Variants in NCOA2 observed in about 807,000 individuals in gnomAD.
NCOA2 encodes the protein class E basic helix-loop-helix protein 75.
In NCOA2, 21 loss-of-function variants were observed where a neutral mutation model predicts 145.1. The observed-to-expected ratio is 0.14, with a 90% confidence interval of 0.10 to 0.21. The LOEUF (loss-of-function observed/expected upper bound fraction) is 0.21, where lower values mean the gene tolerates loss of function less well. Ranked by LOEUF, NCOA2 falls within the 10% of genes least tolerant of loss-of-function variation. NCOA2 has a pLI of 1.00. For missense variants in NCOA2, 1,472 were observed against 1,837.6 expected, an observed-to-expected ratio of 0.80 and a Z score of 3.64; for synonymous variants, 619 against 637.5, an observed-to-expected ratio of 0.97 and a Z score of 0.44.
intron 1 of NCOA2, among the ~76,000 whole-genome samples, chr8:70,326,449 ACG>A (rs1806574051): frequency 2.1e-5 from 3 of 144,710 alleles, no homozygotes; most frequent in South Asian, 2.5e-4. Flanking sequence ...ACACACACAC[ACG>A]TGCACACACA....
intron 1 of NCOA2, among the ~76,000 whole-genome samples, chr8:70,299,600 G>C (rs1827340022): frequency 6.6e-6 from 1 of 152,242 alleles, no homozygotes; most frequent in South Asian, 2.1e-4. Context: ...TTAGTTATTA[G>C]GAAAATGGAA....
intron 1 of NCOA2, among the ~76,000 whole-genome samples, chr8:70,385,235 A>G (rs1812555093): frequency 6.6e-6 from 1 of 152,190 alleles, no homozygotes; most frequent in African/African-American, 2.4e-5. Context: ...AGATTTATTG[A>G]ACACCAACTG....
chr8:70,113,503 G>A lies in NCOA2; in HGVS notation c.*129C>T. 2 of 1,068,014 alleles carry A rather than the reference G, an allele frequency of 1.9e-6. No individual in the cohort carries two copies. The highest frequency in any genetic ancestry group is 2.8e-6 in the Non-Finnish European group (2 of 716,958). The allele number at this position is 1,068,014 out of a possible 1,614,324, so 66.2% of individuals were successfully genotyped here. On this transcript the variant is annotated 3_prime_UTR_variant, in exon 23 of 23. Coordinates refer to ENST00000452400, the MANE Select transcript of NCOA2 (RefSeq NM_006540.4). ...ACGCCACCCTGGGAACCAGGGCCAG[G>A]CCTGTCTGCTCTAGCAGAACCGGCT...
chr8:70,305,127 T>A (rs1225164129), intron 1 of NCOA2, among the ~76,000 whole-genome samples: 10 of 150,568 alleles, frequency 6.6e-5, no homozygotes, highest in Non-Finnish European at 1.3e-4. Context: ...CCTCAAGTGA[T>A]CTTCCCACCT....
At chr8:70,365,252 A>T (rs1320643230) in intron 1 of NCOA2, among the ~76,000 whole-genome samples, 1 of 152,166 alleles carries the variant, frequency 6.6e-6, no homozygotes, top group African/African-American at 2.4e-5. Context: ...AAACAGATTG[A>T]GCCTGCGAGG....
chr8:70,370,449 T>C (rs1410999924), intron 1 of NCOA2, among the ~76,000 whole-genome samples: 1 of 152,224 alleles, frequency 6.6e-6, no homozygotes, highest in Non-Finnish European at 1.5e-5. Context: ...CATCATGGGT[T>C]TGTGGCAGCT....
At chr8:70,406,164 TATG>T (rs1814775373), upstream of NCOA2, among the ~76,000 whole-genome samples, 1 of 152,252 alleles carries the variant, frequency 6.6e-6, no homozygotes, top group South Asian at 2.1e-4. Context: ...ACAAGGAATG[TATG>T]ATGTTTGTTG....
intron 14 of NCOA2, among the ~76,000 whole-genome samples, chr8:70,140,532 G>C (rs1034077583): frequency 8.0e-5 from 12 of 150,282 alleles, no homozygotes; most frequent in African/African-American, 2.2e-4. Flanking sequence ...ATCTGCATTT[G>C]AAGTTCCTGA....
chr8:70,250,810 T>G (rs888976111), intron 2 of NCOA2, among the ~76,000 whole-genome samples: 2 of 152,206 alleles, frequency 1.3e-5, no homozygotes, highest in African/African-American at 2.4e-5. Context: ...GAGTGTGAAC[T>G]TTTCAGTCAT....
chr8:70,403,912 C>A, upstream of NCOA2: 1 of 374,072 alleles, frequency 2.7e-6, no homozygotes, highest in East Asian at 3.8e-5. Context: ...ACAGACAGCG[C>A]GAGCTCGCGA....
intron 2 of NCOA2, among the ~76,000 whole-genome samples, chr8:70,222,024 C>T (rs982475524): frequency 3.3e-5 from 5 of 151,848 alleles, no homozygotes; most frequent in Admixed American, 2.6e-4. Flanking sequence ...TACTGTAGTG[C>T]TTCTTGGTTT....
intron 1 of NCOA2, among the ~76,000 whole-genome samples, chr8:70,385,482 G>A (rs1254178481): frequency 6.6e-6 from 1 of 152,106 alleles, no homozygotes; most frequent in African/African-American, 2.4e-5. Flanking sequence ...AGCCTAGAGT[G>A]CAGTGGTGTC....
At chr8:70,208,750 TACTG>T (rs1437481999) in intron 4 of NCOA2, among the ~76,000 whole-genome samples, 3 of 152,224 alleles carry the variant, frequency 2.0e-5, no homozygotes, top group South Asian at 4.1e-4. Flanking sequence ...TAGTATGGTT[TACTG>T]ACTATTTTAA....
intron 1 of NCOA2, among the ~76,000 whole-genome samples, chr8:70,356,696 G>C (rs893491871): frequency 6.6e-6 from 1 of 152,162 alleles, no homozygotes; most frequent in Admixed American, 6.6e-5. Flanking sequence ...TACCCAGACT[G>C]ATGACGTAAA....
intron 4 of NCOA2, among the ~76,000 whole-genome samples, chr8:70,198,566 A>G (rs1817579632): frequency 6.6e-6 from 1 of 152,244 alleles, no homozygotes; most frequent in Admixed American, 6.5e-5. Context: ...TAGAAGGTAA[A>G]GAAGCAGAGA....
chr8:70,383,787 G>A (rs1418832807), intron 1 of NCOA2, among the ~76,000 whole-genome samples: 1 of 152,166 alleles, frequency 6.6e-6, no homozygotes, highest in Admixed American at 6.5e-5. Context: ...TTACAGGCGT[G>A]AGCCACCGTG....
the NCOA2 span, among the ~76,000 whole-genome samples, chr8:70,424,771 A>C: frequency 6.6e-6 from 1 of 152,236 alleles, no homozygotes; most frequent in East Asian, 1.9e-4. Flanking sequence ...GTAAAACGTT[A>C]TTTAAGCACG....
At chr8:70,332,898 T>C (rs1032242303) in intron 1 of NCOA2, among the ~76,000 whole-genome samples, 1 of 152,178 alleles carries the variant, frequency 6.6e-6, no homozygotes, top group African/African-American at 2.4e-5. Flanking sequence ...TAAATTATTT[T>C]TATTCATGGA....
the NCOA2 span, among the ~76,000 whole-genome samples, chr8:70,413,357 A>G: frequency 1.3e-4 from 20 of 152,158 alleles, no homozygotes; most frequent in African/African-American, 4.8e-4. Flanking sequence ...TCTAGGACTC[A>G]GTTTCCTACC....
Sources: allele counts gnomAD v4.1 joint callset (sites outside exome capture counted in the v4.1 genomes callset), GRCh38; gene constraint gnomAD v4.1.1; transcripts MANE v1.5; gene names NCBI Gene and HGNC (gene_info 2026-07-23, HGNC 2026-07-21).